The following SMCHD1 variants were observed in gnomAD, a reference collection of about 807,000 sequenced individuals.
SMCHD1 encodes the protein structural maintenance of chromosomes flexible hinge domain containing 1, also known as structural maintenance of chromosomes flexible hinge domain-containing protein 1.
SMCHD1 carries 78 observed loss-of-function variants against 254.7 expected under a neutral mutation model. The observed-to-expected ratio is 0.31, with a 90% CI of 0.26 to 0.37. The LOEUF (loss-of-function observed/expected upper bound fraction) is 0.37. SMCHD1 is among the 10% of genes least tolerant of loss of function. The probability of loss-of-function intolerance (pLI) is 1.00; values close to 1 mark genes in which losing one functional copy is unlikely to be tolerated. For synonymous variants in SMCHD1, 766 were observed against 794.9 expected, an observed-to-expected ratio of 0.96 and a Z score of 0.61; for missense variants, 1,840 against 2,408.1, an observed-to-expected ratio of 0.76 and a Z score of 4.94.
chr18:2,728,439 T>C lies in SMCHD1; in HGVS notation c.2774-18T>C, dbSNP rs373552130. ...TTTGAAACCTGAATATGTATTTCAT[T>C]GTATAATTTACTGTTAGGTCACCCT... On this transcript the variant is annotated intron_variant, in intron 22 of 47. Coordinates refer to ENST00000320876, the MANE Select transcript of SMCHD1 (RefSeq NM_015295.3). 3.4e-5 allele frequency: 55 copies of C among 1,609,880 alleles called. No homozygotes were observed. In the African/African-American group the frequency reaches 6.3e-4, roughly 18 times the overall value.
Position 2,656,063 on chromosome 18 carries a change from C to G in SMCHD1, c.-13C>G. The G allele has an allele frequency of 2.9e-6, 4 of 1,374,918 alleles. No individual in the cohort carries two copies. Among genetic ancestry groups the G allele is most frequent in the South Asian group, 3.7e-5 (2 of 54,462 alleles). The allele number at this position is 1,374,918 out of a possible 1,614,324, so 85.2% of individuals were successfully genotyped here. A position where few individuals can be genotyped will look rare whatever the true frequency, so the allele number is the denominator to read the frequency against. ...GGCGGCAGGCGTCGCTGTCTTTTCT[C>G]CTTTTCCCCAATATGGCAGCGGCGG... On this transcript the variant is annotated 5_prime_UTR_variant, in exon 1 of 48. Coordinates refer to ENST00000320876, the MANE Select transcript of SMCHD1 (RefSeq NM_015295.3).
chr18:2,746,232 AT>A (rs770715339), intron 29 of SMCHD1, among the ~76,000 whole-genome samples: 13 of 152,368 alleles, frequency 8.5e-5, no homozygotes, highest in Admixed American at 4.6e-4. Context: ...ACATGCCAGT[AT>A]TAAAAAGTGA....
intron 17 of SMCHD1, among the ~76,000 whole-genome samples, chr18:2,708,995 T>C (rs184817658): frequency 1.6e-4 from 23 of 145,880 alleles, no homozygotes; most frequent in African/African-American, 5.0e-4. Context: ...AAGCATTTTT[T>C]CATCATTTCA....
At chr18:2,703,940 C>A in intron 13 of SMCHD1, 54 bp downstream of exon 13, 1 of 1,337,816 alleles carries the variant, frequency 7.5e-7, no homozygotes, top group East Asian at 2.6e-5. Flanking sequence ...TAATTTAAAA[C>A]ACATATGCAG....
At position 2,707,878 on chromosome 18, in the gene SMCHD1, G is replaced by T; in HGVS notation, c.2218G>T (p.Gly740Trp). Residue 740 changes from glycine to tryptophan, a missense_variant, in exon 17 of 48, where the codon GGG becomes TGG. Physicochemically the swap from Gly to Trp is radical, Grantham distance 184 (BLOSUM62 -2). Transcript: ENST00000320876. ...AAAGCTTCCAGGAACAAGCCATGGAGGGTCAAAGAAACTCCTGGTTGAGCT... is the reference window on the plus strand; with the variant it reads ...AAAGCTTCCAGGAACAAGCCATGGATGGTCAAAGAAACTCCTGGTTGAGCT... ...MQKLPGTSHG[G>W]SKKLLVELKV... 6.2e-7 allele frequency: 1 copy of T among 1,607,806 alleles called. No individual in the cohort carries two copies.
At chr18:2,681,879 A>G (rs972935588) in intron 5 of SMCHD1, among the ~76,000 whole-genome samples, 1 of 152,240 alleles carries the variant, frequency 6.6e-6, no homozygotes, top group African/African-American at 2.4e-5. Flanking sequence ...TAAAAATGCT[A>G]CATGACCCAT....
Position 2,755,691 on chromosome 18 carries a change from C to T in SMCHD1, c.4346+3139C>T, listed in dbSNP as rs190766019. Among the ~76,000 whole-genome samples the T allele has an allele frequency of 5.3e-3, 808 of 151,174 alleles. 6 individuals carry two copies. Among genetic ancestry groups the T allele is most frequent in the African/African-American group, 0.018 (740 of 41,148 alleles). ...CATGCCATTCTCCTGCCTCAGCCTC[C>T]GGAGTAGCTGGGACTATAGGCACCT... On this transcript the variant is annotated intron_variant, in intron 34 of 47. Coordinates refer to ENST00000320876, the MANE Select transcript of SMCHD1 (RefSeq NM_015295.3).
intron 13 of SMCHD1, among the ~76,000 whole-genome samples, chr18:2,705,213 G>T (rs1245502562): frequency 6.6e-6 from 1 of 152,134 alleles, no homozygotes; most frequent in African/African-American, 2.4e-5. Flanking sequence ...AGTCCTTGTT[G>T]GGAATTTCTG....
At chr18:2,756,418 A>G (rs1233766510) in intron 34 of SMCHD1, among the ~76,000 whole-genome samples, 7 of 152,140 alleles carry the variant, frequency 4.6e-5, no homozygotes, top group Non-Finnish European at 1.5e-5. Context: ...TTCTTAGGAG[A>G]ATCTTAAGAG....
At chr18:2,792,900 T>A (rs1026944250) in intron 45 of SMCHD1, among the ~76,000 whole-genome samples, 14 of 152,208 alleles carry the variant, frequency 9.2e-5, no homozygotes, top group Non-Finnish European at 1.6e-4. Context: ...GCTTTGATTA[T>A]TAAAACATAG....
At chr18:2,670,151 A>G (rs1007417934) in intron 3 of SMCHD1, among the ~76,000 whole-genome samples, 2 of 152,184 alleles carry the variant, frequency 1.3e-5, no homozygotes, top group East Asian at 1.9e-4. Flanking sequence ...AGTAAACACC[A>G]AAGTCGTTAC....
chr18:2,726,356 G>A lies in SMCHD1; in HGVS notation c.2701-96G>A, dbSNP rs549222109. On this transcript the variant is annotated intron_variant, in intron 21 of 47. Coordinates refer to ENST00000320876, the MANE Select transcript of SMCHD1 (RefSeq NM_015295.3). ...TGGTAAGTAATTTCTACAATGGTAT[G>A]AAAATAAAACCAAAATATAAATCAG... 6.4e-6 allele frequency: 4 copies of A among 626,174 alleles called. No homozygotes were observed. The East Asian group carries it at 1.4e-4, about 22-fold the overall frequency. 38.8% of individuals were successfully genotyped at this position (626,174 alleles called of 1,614,324 possible).
chr18:2,665,320 C>G (rs777479753), intron 1 of SMCHD1, among the ~76,000 whole-genome samples: 3 of 151,634 alleles, frequency 2.0e-5, no homozygotes, highest in Non-Finnish European at 4.4e-5. Flanking sequence ...CAATTTCCCT[C>G]TAATTTTTTT....
chr18:2,715,945 C>G (rs1022710055), intron 17 of SMCHD1, among the ~76,000 whole-genome samples: 2 of 152,120 alleles, frequency 1.3e-5, no homozygotes, highest in African/African-American at 4.8e-5. Flanking sequence ...TACCATGTTG[C>G]TTTGGAACTG....
At chr18:2,791,033 G>T (rs552171956) in intron 45 of SMCHD1, among the ~76,000 whole-genome samples, 3 of 152,146 alleles carry the variant, frequency 2.0e-5, no homozygotes, top group Admixed American at 6.5e-5. Context: ...AAAATTAAAA[G>T]AATTTATTAA....
chr18:2,772,292 CAAG>C lies in SMCHD1; in HGVS notation c.5101_5103del (p.Glu1701del). The stretch of plus-strand genomic sequence containing the variant: ...ACTTCTGAAAAGAAAGCTATCAGAA[CAAG>C]AAGAACTGAAGAAAAAACCTAGAAG... On this transcript the variant is annotated inframe_deletion, in exon 41 of 48. Transcript: ENST00000320876. 6.2e-7 allele frequency: 1 copy of C among 1,607,088 alleles called. No homozygotes were observed. The highest frequency in any genetic ancestry group is 8.5e-7 in the Non-Finnish European group (1 of 1,177,440).
At chr18:2,738,360 A>ACGG in intron 25 of SMCHD1, 37 bp from the exon 26 acceptor site, 1 of 1,399,978 alleles carries the variant, frequency 7.1e-7, no homozygotes, top group Non-Finnish European at 9.6e-7. Flanking sequence ...ACATTAGACG[A>ACGG]AGCTTTATTA....
At chr18:2,660,796 A>AATATGGATGAAAAATCCATGGATATTTC (rs2073228246) in intron 1 of SMCHD1, among the ~76,000 whole-genome samples, 4 of 152,124 alleles carry the variant, frequency 2.6e-5, no homozygotes, top group African/African-American at 7.2e-5. Context: ...ATGGATATTT[A>AATATGGATGAAAAATCCATGGATATTTC]ATATGGATGA....
Position 2,707,830 on chromosome 18 carries a change from A to G in SMCHD1, c.2170A>G (p.Asn724Asp). 1 of 1,607,582 alleles carries G rather than the reference A, an allele frequency of 6.2e-7. No homozygotes were observed. The highest frequency in any genetic ancestry group is 8.5e-7 in the Non-Finnish European group (1 of 1,177,214). Residue 724 changes from asparagine (N) to aspartate (D), a missense_variant, in exon 17 of 48, where the codon AAT (asparagine) becomes GAT (aspartate). By Grantham distance (23) the Asn-to-Asp change is conservative. Coordinates refer to ENST00000320876, the MANE Select transcript of SMCHD1 (RefSeq NM_015295.3). The part of the protein sequence containing the change: ...PIGALRIEIL[N>D]KKGEAMQKLP... Reference sequence around the variant, plus strand: ...AGGTGCGTTAAGAATTGAAATACTGAATAAAAAAGGGGAAGCAATGCAAAA... The same window carrying G: ...AGGTGCGTTAAGAATTGAAATACTGGATAAAAAAGGGGAAGCAATGCAAAA...
Sources: allele counts gnomAD v4.1 joint callset (sites outside exome capture counted in the v4.1 genomes callset), GRCh38; gene constraint gnomAD v4.1.1; transcripts MANE v1.5; gene names NCBI Gene and HGNC (gene_info 2026-07-23, HGNC 2026-07-21).